CSMD1: variants seen among roughly 807,000 people sequenced by gnomAD.
The protein encoded by CSMD1 is CUB and Sushi multiple domains 1.
A neutral mutation model predicts 417.5 loss-of-function variants in CSMD1; 213 were observed. That is an observed-to-expected ratio of 0.51 (90% CI 0.46 to 0.57). The LOEUF is 0.57. CSMD1 is among the 20% of genes least tolerant of loss of function. The pLI is 0.00. For synonymous variants in CSMD1, 2,862 were observed against 1,736.8 expected (o/e 1.65, Z -16.11); for missense variants, 6,923 against 4,529.7 (o/e 1.53, Z -15.17).
At position 3,097,754 on chromosome 8, in the gene CSMD1, G is replaced by A. The variant is rs1165500842; in HGVS notation, c.6950-717C>T. ...CTGAAATTGCAGAATGGAAAACCTC[G>A]GATCGGGGGTGGGGGGAACTACTGT... On this transcript the variant is annotated intron_variant, in intron 46 of 69. Transcript: ENST00000635120. 4.6e-5 allele frequency among the ~76,000 whole-genome samples: 7 copies of A among 152,078 alleles called. No homozygotes were observed. In the South Asian group the frequency reaches 6.2e-4, roughly 14 times the overall value.
chr8:4,065,386 C>A (rs370996424), intron 3 of CSMD1, among the ~76,000 whole-genome samples: 2 of 151,958 alleles, frequency 1.3e-5, no homozygotes, highest in Non-Finnish European at 2.9e-5. Context: ...TATGGTCCTA[C>A]AGTCTTAAAA....
At chr8:3,851,935 G>A (rs1057301609) in intron 5 of CSMD1, among the ~76,000 whole-genome samples, 2 of 152,132 alleles carry the variant, frequency 1.3e-5, no homozygotes, top group Non-Finnish European at 2.9e-5. Context: ...GAGCATTGAA[G>A]AATATGTGAG....
intron 1 of CSMD1, among the ~76,000 whole-genome samples, chr8:4,704,105 G>A (rs1221326238): frequency 5.3e-5 from 8 of 152,174 alleles, no homozygotes; most frequent in Non-Finnish European, 1.0e-4. Context: ...GCCAACGTCT[G>A]ATACAGGCCT....
chr8:3,212,377 G>A (rs1046087041), intron 30 of CSMD1, among the ~76,000 whole-genome samples: 2 of 152,028 alleles, frequency 1.3e-5, no homozygotes, highest in African/African-American at 4.8e-5. Flanking sequence ...TTCTTCCTCT[G>A]TCGATCTGTT....
intron 3 of CSMD1, among the ~76,000 whole-genome samples, chr8:4,254,657 G>A (rs1485492044): frequency 6.6e-6 from 1 of 152,136 alleles, no homozygotes; most frequent in Admixed American, 6.5e-5. Context: ...AACTGCCGTA[G>A]ACAGGTGTAC....
intron 3 of CSMD1, among the ~76,000 whole-genome samples, chr8:4,268,825 A>G (rs568756095): frequency 6.6e-6 from 1 of 152,276 alleles, no homozygotes; most frequent in African/African-American, 2.4e-5. Flanking sequence ...ATAGCCCCCA[A>G]GTAATCTTAA....
Position 3,118,483 on chromosome 8 carries a change from C to G in CSMD1, c.6346G>C (p.Gly2116Arg). 1 of 1,613,860 alleles carries G rather than the reference C, an allele frequency of 6.2e-7. No homozygotes were observed. The highest frequency in any genetic ancestry group is 1.1e-5 in the South Asian group (1 of 91,070). ...GQSVSFECYP[G>R]YILIGHPVLT... is the part of the protein sequence containing the mutation. ...ACAGGATGGCCTATTAGAATGTACC[C>G]AGGATAACACTCGAAAGATACTGAT... The change falls in exon 42 of 70, where the codon GGG (glycine) becomes CGG (arginine). Residue 2116 changes from glycine to arginine, a missense_variant. By Grantham distance (125) the Gly-to-Arg change is moderately radical (BLOSUM62 -2). Transcript: ENST00000635120.
chr8:3,705,255 C>A (rs953916051), intron 7 of CSMD1, among the ~76,000 whole-genome samples: 1 of 152,168 alleles, frequency 6.6e-6, no homozygotes, highest in African/African-American at 2.4e-5. Flanking sequence ...GGGACATGAA[C>A]GCACAAGGTC....
chr8:4,509,857 C>G (rs1802720911), intron 2 of CSMD1, among the ~76,000 whole-genome samples: 1 of 152,138 alleles, frequency 6.6e-6, no homozygotes, highest in African/African-American at 2.4e-5. Context: ...ACAGCTGGTG[C>G]TTAGTAGGAC....
chr8:3,911,388 T>C (rs183038332), intron 5 of CSMD1, among the ~76,000 whole-genome samples: 23 of 151,200 alleles, frequency 1.5e-4, no homozygotes, highest in African/African-American at 4.9e-4. Flanking sequence ...ATTAGCTGGG[T>C]ATGGTGGCGG....
At chr8:3,150,306 C>T (rs948621170) in intron 40 of CSMD1, among the ~76,000 whole-genome samples, 1 of 152,248 alleles carries the variant, frequency 6.6e-6, no homozygotes, top group Non-Finnish European at 1.5e-5. Context: ...ACGGACTCCC[C>T]AGGCCGTCCC....
At chr8:3,734,788 G>C (rs1482084593) in intron 6 of CSMD1, among the ~76,000 whole-genome samples, 2 of 152,206 alleles carry the variant, frequency 1.3e-5, no homozygotes, top group African/African-American at 4.8e-5. Flanking sequence ...TCTGCTCTCT[G>C]CAACTGGGTG....
chr8:3,199,667 C>T, intron 33 of CSMD1, 47 bp downstream of exon 33: 1 of 1,312,648 alleles, frequency 7.6e-7, no homozygotes, highest in Admixed American at 2.1e-5. Context: ...GGTGCAGCAT[C>T]AGGAAAGACC....
At chr8:4,731,028 C>G (rs1809821851) in intron 1 of CSMD1, among the ~76,000 whole-genome samples, 1 of 152,146 alleles carries the variant, frequency 6.6e-6, no homozygotes, top group Non-Finnish European at 1.5e-5. Flanking sequence ...GCCCAAGACG[C>G]TAACGAATGA....
intron 2 of CSMD1, among the ~76,000 whole-genome samples, chr8:4,561,037 C>G (rs1190580213): frequency 6.6e-6 from 1 of 152,146 alleles, no homozygotes; most frequent in Admixed American, 6.5e-5. Context: ...CCATACCAAT[C>G]CACAGGAATT....
At chr8:4,513,420 C>G (rs1802935185) in intron 2 of CSMD1, among the ~76,000 whole-genome samples, 1 of 152,136 alleles carries the variant, frequency 6.6e-6, no homozygotes, top group African/African-American at 2.4e-5. Flanking sequence ...TTTAATTCTA[C>G]TAATGATCAT....
At position 3,103,562 on chromosome 8, in the gene CSMD1, G is replaced by A. The variant is rs112482656; in HGVS notation, c.6949+2966C>T. Reference sequence around the variant, plus strand: ...GTACTGCAACTGCTAGACGTCACTCGGTGGTAGGAATTTTCAGCTTCATTA... The same window carrying A: ...GTACTGCAACTGCTAGACGTCACTCAGTGGTAGGAATTTTCAGCTTCATTA... On this transcript the variant is annotated intron_variant, in intron 46 of 69. Transcript: ENST00000635120. 2.8e-3 allele frequency among the ~76,000 whole-genome samples: 430 copies of A among 152,130 alleles called. 1 individual carries two copies. The highest frequency in any genetic ancestry group is 9.9e-3 in the African/African-American group (410 of 41,504).
chr8:3,934,097 T>C (rs115024197), intron 5 of CSMD1, among the ~76,000 whole-genome samples: 1,540 of 152,262 alleles, frequency 0.01, 28 homozygotes, highest in African/African-American at 0.035. Context: ...CTAAGGAATG[T>C]TTTTGAAAAC....
At chr8:4,460,293 T>A (rs913924990) in intron 2 of CSMD1, among the ~76,000 whole-genome samples, 7 of 151,736 alleles carry the variant, frequency 4.6e-5, no homozygotes, top group Admixed American at 2.6e-4. Flanking sequence ...TGAACGAAAA[T>A]GGAGATCAAA....
Sources: allele counts gnomAD v4.1 joint callset (sites outside exome capture counted in the v4.1 genomes callset), GRCh38; gene constraint gnomAD v4.1.1; transcripts MANE v1.5; gene names NCBI Gene and HGNC (gene_info 2026-07-23, HGNC 2026-07-21).